The following KNG1 variants were observed in gnomAD, a reference collection of about 807,000 sequenced individuals.
KNG1 encodes the protein kininogen 1.
A neutral mutation model predicts 47.8 loss-of-function variants in KNG1; 23 were observed. The observed-to-expected ratio is 0.48, with a 90% CI of 0.35 to 0.68. The LOEUF is 0.68. Ranked by LOEUF, KNG1 falls within the 30% of genes least tolerant of loss-of-function variation. KNG1 has a pLI of 0.01. For synonymous variants in KNG1, 277 were observed against 277.0 expected (o/e 1.00, Z 0.00); for missense variants, 762 against 790.2 (o/e 0.96, Z 0.43).
rs1205737703 is a variant in KNG1 at position 186,742,198 on chromosome 3, AC to A, written c.1805del (p.Pro602GlnfsTer30). The A allele has an allele frequency of 6.2e-7, 1 of 1,614,020 alleles. No individual in the cohort carries two copies. The highest frequency in any genetic ancestry group is 2.2e-5 in the East Asian group (1 of 44,896). ...IQIDPNGLSF[N>X]PISDFPDTTS... Reference sequence around the variant, plus strand: ...ATAGACCCAAATGGCCTTTCATTTAACCCAATATCAGATTTTCCAGACACGA... The same window carrying A: ...ATAGACCCAAATGGCCTTTCATTTAACCAATATCAGATTTTCCAGACACGA... On this transcript the variant is annotated frameshift_variant, in exon 10 of 10. Transcript: ENST00000644859. LOFTEE classifies it high-confidence loss of function.
intron 7 of KNG1, among the ~76,000 whole-genome samples, chr3:186,733,170 T>C (rs62294377): frequency 1.3e-5 from 2 of 151,946 alleles, no homozygotes; most frequent in African/African-American, 2.4e-5. Flanking sequence ...CGCTTGAACC[T>C]GGGAGGCAGA....
intron 5 of KNG1, among the ~76,000 whole-genome samples, chr3:186,727,556 T>G (rs1720408049): frequency 6.6e-6 from 1 of 152,140 alleles, no homozygotes; most frequent in Admixed American, 6.6e-5. Flanking sequence ...AATAAGTATT[T>G]TTTTATAACT....
Position 186,731,639 on chromosome 3 carries a change from A to G in KNG1, c.757+10A>G, listed in dbSNP as rs756401958. Reference sequence around the variant, plus strand: ...TGTGACATTTATCCAGGTAAGGAATAACACATGTTGGCACCGCAATAGAGG... The same window carrying G: ...TGTGACATTTATCCAGGTAAGGAATGACACATGTTGGCACCGCAATAGAGG... On this transcript the variant is annotated intron_variant, in intron 6 of 9. Coordinates refer to ENST00000644859, the MANE Select transcript of KNG1 (RefSeq NM_001102416.3). 1 of 1,542,660 alleles carries G rather than the reference A, an allele frequency of 6.5e-7. No individual in the cohort carries two copies. Among genetic ancestry groups the G allele is most frequent in the Non-Finnish European group, 9.0e-7 (1 of 1,114,790 alleles).
chr3:186,743,740 C>G lies in KNG1; in HGVS notation c.*1409C>G, dbSNP rs1720873116. On this transcript the variant is annotated 3_prime_UTR_variant, in exon 10 of 10. Transcript: ENST00000644859. ...GGTCCTGCGAGTACAAGGGTCGACCCCCAAAGGCAGGGGCAGAGCCAGCAT... is the reference window on the plus strand; with the variant it reads ...GGTCCTGCGAGTACAAGGGTCGACCGCCAAAGGCAGGGGCAGAGCCAGCAT... 2 of 1,613,960 alleles carry G rather than the reference C, an allele frequency of 1.2e-6. No homozygotes were observed. Among genetic ancestry groups the G allele is most frequent in the Admixed American group, 1.7e-5 (1 of 59,982 alleles).
intron 7 of KNG1, among the ~76,000 whole-genome samples, chr3:186,733,350 C>G (rs1720589312): frequency 1.3e-5 from 2 of 152,194 alleles, no homozygotes; most frequent in Admixed American, 6.6e-5. Context: ...CTGGACTCAT[C>G]TCTCATTATA....
rs777651596 is a variant in KNG1, at chr3:186,717,552, A to G, written c.10A>G (p.Ile4Val). 6.2e-7 allele frequency: 1 copy of G among 1,610,668 alleles called. No individual in the cohort carries two copies. The highest frequency in any genetic ancestry group is 1.3e-5 in the African/African-American group (1 of 74,826). Residue 4 changes from isoleucine to valine, a missense_variant, in exon 1 of 10, where the codon ATT becomes GTT. By Grantham distance (29) the Ile-to-Val change is conservative. Transcript: ENST00000644859. ...GGGAGATTGTTAGATCATGAAACTA[A>G]TTACCATCCTTTTCCTCTGCTCCAG... MKL[I>V]TILFLCSRLL...
At chr3:186,734,527 G>T (rs541360039) in intron 7 of KNG1, 2 of 152,314 alleles carry the variant, frequency 1.3e-5, no homozygotes, top group Admixed American at 6.5e-5. Flanking sequence ...TTGGGAGGCC[G>T]AAGTGGGTGG....
At chr3:186,720,334 T>A in intron 2 of KNG1, 119 bp downstream of exon 2, 1 of 727,696 alleles carries the variant, frequency 1.4e-6, no homozygotes, top group Non-Finnish European at 2.5e-6. Context: ...CAAATAAACA[T>A]TCCAATGTGT....
chr3:186,727,785 T>C (rs1720414863), intron 5 of KNG1, among the ~76,000 whole-genome samples: 1 of 152,066 alleles, frequency 6.6e-6, no homozygotes, highest in African/African-American at 2.4e-5. Context: ...TTAGCCAGAG[T>C]GGTCTCGAAC....
intron 7 of KNG1, chr3:186,738,298 A>G (rs1216919819): frequency 6.6e-6 from 1 of 152,204 alleles, no homozygotes; most frequent in African/African-American, 2.4e-5. Context: ...TCTTAATATT[A>G]AAAATAGTAA....
At chr3:186,728,551 C>T (rs1234916110) in intron 5 of KNG1, 5 of 151,992 alleles carry the variant, frequency 3.3e-5, no homozygotes, top group African/African-American at 4.8e-5. Flanking sequence ...ACTATACATA[C>T]GGATTTATTT....
rs1720828362 is a variant in KNG1 at position 186,742,046 on chromosome 3, C to T, written c.1650C>T (p.Ser550=). The T allele has an allele frequency of 1.9e-6, 3 of 1,613,982 alleles. No individual in the cohort carries two copies. Among genetic ancestry groups the T allele is most frequent in the Non-Finnish European group, 1.7e-6 (2 of 1,179,874 alleles). ...CAGAAGGGCCAACACCCATCCCTTCCCTAGCCAAGCCAGGTGTAACAGTTA... is the reference window on the plus strand; with the variant it reads ...CAGAAGGGCCAACACCCATCCCTTCTCTAGCCAAGCCAGGTGTAACAGTTA... ...EKTEGPTPIP[S]LAKPGVTVTF... Residue 550 remains serine, a synonymous_variant, in exon 10 of 10, where the codon TCC becomes TCT. Transcript: ENST00000644859.
chr3:186,732,786 G>T, intron 7 of KNG1, 112 bp downstream of exon 7: 1 of 859,410 alleles, frequency 1.2e-6, no homozygotes. Context: ...TTGATAATGT[G>T]ATTTGGTGCA....
At chr3:186,721,634 G>A (rs1720200970) in intron 2 of KNG1, 1 of 152,254 alleles carries the variant, frequency 6.6e-6, no homozygotes, top group African/African-American at 2.4e-5. Context: ...ACATGACAGA[G>A]TTAACAGCTA....
intron 5 of KNG1, among the ~76,000 whole-genome samples, chr3:186,728,050 CTGTT>C (rs1419493567): frequency 5.9e-5 from 9 of 152,196 alleles, no homozygotes; most frequent in Admixed American, 2.0e-4. Context: ...AAACTTTTCT[CTGTT>C]TGTTTTCTCA....
chr3:186,742,843 G>A lies in KNG1; in HGVS notation c.*512G>A. ...GGAGGTTGCAGTGAGCCGAGATCGTGCCACTGCGCTCCAGCCTGGGCATCA... is the reference window on the plus strand; with the variant it reads ...GGAGGTTGCAGTGAGCCGAGATCGTACCACTGCGCTCCAGCCTGGGCATCA... On this transcript the variant is annotated 3_prime_UTR_variant, in exon 10 of 10. Transcript: ENST00000644859. The A allele has an allele frequency of 1.1e-6, 1 of 929,908 alleles. No individual in the cohort carries two copies. The highest frequency in any genetic ancestry group is 1.3e-6 in the Non-Finnish European group (1 of 778,924). 57.6% of individuals were successfully genotyped at this position (929,908 alleles called of 1,614,324 possible).
At chr3:186,720,074 T>C (rs1179708194) in intron 1 of KNG1, 31 bp from the exon 2 acceptor site, 1 of 1,448,754 alleles carries the variant, frequency 6.9e-7, no homozygotes, top group South Asian at 1.1e-5. Flanking sequence ...GTCAGTTGGA[T>C]GAACCCTAAG....
At chr3:186,739,443 G>A in intron 9 of KNG1, 29 bp downstream of exon 9, 1 of 1,412,850 alleles carries the variant, frequency 7.1e-7, no homozygotes, top group Non-Finnish European at 1.0e-6. Flanking sequence ...TCAGCGTGGG[G>A]TCAGTTCTGC....
At chr3:186,725,542 G>GTTTTTTTTTTTTT (rs1560063426) in intron 4 of KNG1, among the ~76,000 whole-genome samples, 2 of 75,060 alleles carry the variant, frequency 2.7e-5, no homozygotes, top group East Asian at 2.9e-4. Context: ...CCGGCCTTAG[G>GTTTTTTTTTTTTT]ATTTTTTTTT....
Sources: allele counts gnomAD v4.1 joint callset (sites outside exome capture counted in the v4.1 genomes callset), GRCh38; gene constraint gnomAD v4.1.1; transcripts MANE v1.5; gene names NCBI Gene and HGNC (gene_info 2026-07-23, HGNC 2026-07-21).